HPSE2: variants seen among roughly 807,000 people sequenced by gnomAD.
HPSE2 encodes inactive heparanase-2.
In HPSE2, 38 loss-of-function variants were observed where a neutral mutation model predicts 60.5. The observed-to-expected ratio is 0.63, with a 90% CI of 0.48 to 0.82. The LOEUF (loss-of-function observed/expected upper bound fraction) is 0.82, where lower values mean the gene tolerates loss of function less well. HPSE2 is among the 40% of genes least tolerant of loss of function. The pLI is 0.00. For missense variants in HPSE2, 713 were observed against 740.4 expected, an observed-to-expected ratio of 0.96 and a Z score of 0.43; for synonymous variants, 295 against 293.2, an observed-to-expected ratio of 1.01 and a Z score of -0.06.
chr10:98,481,441 A>G (rs2133642338), intron 11 of HPSE2, among the ~76,000 whole-genome samples: 1 of 152,350 alleles, frequency 6.6e-6, no homozygotes, highest in African/African-American at 2.4e-5. Context: ...CCAGGAATTC[A>G]GCACACTCAT....
At chr10:99,186,131 C>CACACACACACACACAT (rs1564879654) in intron 2 of HPSE2, among the ~76,000 whole-genome samples, 5 of 149,524 alleles carry the variant, frequency 3.3e-5, no homozygotes, top group South Asian at 2.1e-4. Flanking sequence ...CACACACACA[C>CACACACACACACACAT]ACACACACAC....
At chr10:98,791,716 C>T (rs1196379248) in intron 3 of HPSE2, among the ~76,000 whole-genome samples, 1 of 152,214 alleles carries the variant, frequency 6.6e-6, no homozygotes, top group South Asian at 2.1e-4. Context: ...TAATTTCATA[C>T]CTTTTTCTTA....
At chr10:99,233,949 T>C (rs997598094) in intron 1 of HPSE2, among the ~76,000 whole-genome samples, 5 of 152,286 alleles carry the variant, frequency 3.3e-5, no homozygotes, top group Admixed American at 6.5e-5. Context: ...TTCCAGACTC[T>C]TTTCTGAGGC....
chr10:98,521,705 T>A (rs1342389314), intron 9 of HPSE2, among the ~76,000 whole-genome samples: 3 of 152,194 alleles, frequency 2.0e-5, no homozygotes, highest in Non-Finnish European at 2.9e-5. Flanking sequence ...TGCGGCACTC[T>A]TCACAATAGC....
In HPSE2 at chr10:98,630,767, A is replaced by AC. The variant is rs575989568; in HGVS notation, c.1099-10060_1099-10059insG. Among the ~76,000 whole-genome samples the AC allele has an allele frequency of 6.8e-3, 1,042 of 152,240 alleles. 8 individuals carry two copies. Among genetic ancestry groups the AC allele is most frequent in the South Asian group, 0.027 (129 of 4,826 alleles). ...CAATTACTTTGCTTATAAAATACTT[A>AC]TAAATAAATGAGAGAGATAATATTT... On this transcript the variant is annotated intron_variant, in intron 7 of 11. Transcript: ENST00000370552.
chr10:98,867,289 T>C lies in HPSE2; in HGVS notation c.611-123233A>G, dbSNP rs1952612035. Among the ~76,000 whole-genome samples, 4 of 148,548 alleles carry C rather than the reference T, an allele frequency of 2.7e-5. No individual in the cohort carries two copies. The South Asian group carries it at 6.4e-4, about 24-fold the overall frequency. ...AATATATAAGGAACTCAAACAACTC[T>C]ATAGGAAAAAAAAAAAAATCTAATA... On this transcript the variant is annotated intron_variant, in intron 3 of 11. Transcript: ENST00000370552.
At chr10:98,589,945 C>G (rs900544115) in intron 9 of HPSE2, among the ~76,000 whole-genome samples, 1 of 152,322 alleles carries the variant, frequency 6.6e-6, no homozygotes, top group East Asian at 1.9e-4. Flanking sequence ...TGTGATTCAA[C>G]TATCCAGATA....
intron 9 of HPSE2, among the ~76,000 whole-genome samples, chr10:98,518,223 G>A (rs56116037): frequency 0.021 from 3,220 of 152,250 alleles, 121 homozygotes; most frequent in African/African-American, 0.072. Flanking sequence ...TCCACCCATG[G>A]GTGAGAGGTC....
At chr10:99,308,199 C>G in the HPSE2 span, among the ~76,000 whole-genome samples, 1 of 151,398 alleles carries the variant, frequency 6.6e-6, no homozygotes, top group Non-Finnish European at 1.5e-5. Flanking sequence ...ATTAGCCTGG[C>G]CAACATGGTG....
intron 6 of HPSE2, among the ~76,000 whole-genome samples, chr10:98,681,394 A>C (rs1178409585): frequency 6.6e-6 from 1 of 152,124 alleles, no homozygotes; most frequent in Admixed American, 6.6e-5. Context: ...CATCTTTATA[A>C]CTCATAACTG....
At chr10:98,524,542 C>CT (rs1942902168) in intron 9 of HPSE2, among the ~76,000 whole-genome samples, 1 of 152,190 alleles carries the variant, frequency 6.6e-6, no homozygotes, top group Admixed American at 6.5e-5. Context: ...TGTTACTTCT[C>CT]TGTATTAGCC....
chr10:98,975,192 C>A (rs1048358760), intron 3 of HPSE2, among the ~76,000 whole-genome samples: 7 of 152,122 alleles, frequency 4.6e-5, no homozygotes, highest in Non-Finnish European at 7.4e-5. Flanking sequence ...GAAACTGCAA[C>A]AGTTCCTGAG....
At chr10:98,966,346 C>G (rs756795014) in intron 3 of HPSE2, among the ~76,000 whole-genome samples, 1 of 151,996 alleles carries the variant, frequency 6.6e-6, no homozygotes, top group East Asian at 1.9e-4. Flanking sequence ...AATAAAGGAG[C>G]TGAAAAAGAG....
intron 2 of HPSE2, among the ~76,000 whole-genome samples, chr10:99,171,737 T>C (rs935174542): frequency 8.5e-5 from 13 of 152,170 alleles, no homozygotes; most frequent in Non-Finnish European, 1.9e-4. Flanking sequence ...AGACACTTGA[T>C]ACATCCTTTT....
At chr10:98,932,535 G>T (rs1303122407) in intron 3 of HPSE2, among the ~76,000 whole-genome samples, 4 of 143,378 alleles carry the variant, frequency 2.8e-5, no homozygotes, top group Non-Finnish European at 4.5e-5. Context: ...AATAGTTTCA[G>T]AAGAAATGGT....
intron 3 of HPSE2, among the ~76,000 whole-genome samples, chr10:99,052,049 G>T (rs533716213): frequency 1.3e-5 from 2 of 151,402 alleles, no homozygotes; most frequent in African/African-American, 2.4e-5. Context: ...ACTCTACAGG[G>T]TAATAAAAAT....
At chr10:99,253,827 A>T in the HPSE2 span, among the ~76,000 whole-genome samples, 1 of 152,218 alleles carries the variant, frequency 6.6e-6, no homozygotes, top group Admixed American at 6.5e-5. Flanking sequence ...TCAAAAGAAG[A>T]TATACAGGCA....
At chr10:98,902,928 C>T (rs1476312634) in intron 3 of HPSE2, among the ~76,000 whole-genome samples, 2 of 152,038 alleles carry the variant, frequency 1.3e-5, no homozygotes, top group African/African-American at 4.8e-5. Context: ...TAGATATACA[C>T]ACCCAGGAGA....
chr10:98,853,669 T>C (rs1192579030), intron 3 of HPSE2, among the ~76,000 whole-genome samples: 1 of 152,142 alleles, frequency 6.6e-6, no homozygotes, highest in Non-Finnish European at 1.5e-5. Context: ...TACTATTGCA[T>C]ATATTTGAAA....
Sources: allele counts gnomAD v4.1 joint callset (sites outside exome capture counted in the v4.1 genomes callset), GRCh38; gene constraint gnomAD v4.1.1; transcripts MANE v1.5; gene names NCBI Gene and HGNC (gene_info 2026-07-23, HGNC 2026-07-21).